The following PPP2R5E variants were observed in gnomAD, a reference collection of about 807,000 sequenced individuals.
PPP2R5E encodes the protein serine/threonine-protein phosphatase 2A 56 kDa regulatory subunit epsilon isoform.
In PPP2R5E, 4 loss-of-function variants were observed where a neutral mutation model predicts 65.3. That is an observed-to-expected ratio of 0.06 (90% CI 0.03 to 0.14). The LOEUF (loss-of-function observed/expected upper bound fraction) is 0.14. Among genes scored for constraint, PPP2R5E ranks in the 10% least tolerant of loss-of-function variants. The pLI, the probability that PPP2R5E is intolerant of heterozygous loss-of-function variation, is 1.00. For synonymous variants in PPP2R5E, 183 were observed against 187.4 expected, an observed-to-expected ratio of 0.98 and a Z score of 0.19; for missense variants, 274 against 556.1, an observed-to-expected ratio of 0.49 and a Z score of 5.10.
chr14:63,436,077 T>C (rs1197053981), intron 3 of PPP2R5E, among the ~76,000 whole-genome samples: 7 of 152,208 alleles, frequency 4.6e-5, no homozygotes, highest in Admixed American at 3.9e-4. Context: ...AGGCTAACCA[T>C]GTGATACCAA....
intron 11 of PPP2R5E, among the ~76,000 whole-genome samples, chr14:63,386,356 T>G (rs1884663647): frequency 6.6e-6 from 1 of 152,194 alleles, no homozygotes; most frequent in Admixed American, 6.5e-5. Context: ...TTTTCTATTT[T>G]GTGGATGAAG....
At chr14:63,477,409 G>A (rs529736411) in intron 2 of PPP2R5E, among the ~76,000 whole-genome samples, 4 of 151,942 alleles carry the variant, frequency 2.6e-5, no homozygotes, top group Non-Finnish European at 4.4e-5. Flanking sequence ...TGTTCTATGT[G>A]GTTTACAGAA....
At chr14:63,401,729 T>C (rs1244546863) in intron 5 of PPP2R5E, among the ~76,000 whole-genome samples, 1 of 152,142 alleles carries the variant, frequency 6.6e-6, no homozygotes, top group Non-Finnish European at 1.5e-5. Context: ...AGAGAAAATT[T>C]AGACTTATTT....
chr14:63,453,611 T>A (rs1380499024), intron 3 of PPP2R5E, 78 bp downstream of exon 3: 2 of 1,418,960 alleles, frequency 1.4e-6, no homozygotes, highest in South Asian at 1.3e-5. Flanking sequence ...TCCAATGACC[T>A]CACTCTTGCA....
At chr14:63,416,406 T>C (rs1463842216) in intron 4 of PPP2R5E, among the ~76,000 whole-genome samples, 4 of 152,206 alleles carry the variant, frequency 2.6e-5, no homozygotes, top group Non-Finnish European at 4.4e-5. Flanking sequence ...TGAAACTTTG[T>C]CTCTTCGATT....
chr14:63,484,123 AG>A (rs1339261946), intron 2 of PPP2R5E, among the ~76,000 whole-genome samples: 3 of 151,636 alleles, frequency 2.0e-5, no homozygotes, highest in Non-Finnish European at 4.4e-5. Flanking sequence ...AGAAAGATAA[AG>A]GGCCCAAAGC....
intron 6 of PPP2R5E, 83 bp from the exon 7 acceptor site, chr14:63,395,368 A>AG: frequency 1.6e-6 from 1 of 632,636 alleles, no homozygotes. Context: ...GGAGGAGGAG[A>AG]AGGGGGAGGA....
chr14:63,522,891 C>T (rs1400088742), intron 2 of PPP2R5E, among the ~76,000 whole-genome samples: 1 of 148,592 alleles, frequency 6.7e-6, no homozygotes, highest in Non-Finnish European at 1.5e-5. Context: ...GGCCAGCCGC[C>T]CCGTCCGGGA....
intron 6 of PPP2R5E, 102 bp from the exon 7 acceptor site, chr14:63,395,387 A>AGAG (rs78221566): frequency 3.9e-5 from 16 of 413,464 alleles, no homozygotes; most frequent in Middle Eastern, 6.6e-4. Context: ...GAGGAGGAGA[A>AGAG]GAGGAGGAGG....
chr14:63,378,441 T>C (rs1474841065), intron 13 of PPP2R5E, among the ~76,000 whole-genome samples: 1 of 152,160 alleles, frequency 6.6e-6, no homozygotes, highest in Non-Finnish European at 1.5e-5. Context: ...AATTGGTTAA[T>C]TAAGTGTTGA....
chr14:63,455,410 A>C (rs1889061972), intron 2 of PPP2R5E, among the ~76,000 whole-genome samples: 1 of 152,184 alleles, frequency 6.6e-6, no homozygotes, highest in Non-Finnish European at 1.5e-5. Flanking sequence ...ATATCTTTGA[A>C]TGTATAGCAT....
rs1892384176 is a variant in PPP2R5E, at chr14:63,510,016, T to TG, written c.157+29512dup. ...CACCCTCTTCAAAAAAACAAACATA[T>TG]GAATACTCATATTTATGTAAACCAT... is the stretch of plus-strand genomic sequence containing the variant. On this transcript the variant is annotated intron_variant, in intron 2 of 13. Transcript: ENST00000337537. Among the ~76,000 whole-genome samples, 3 of 152,182 alleles carry TG rather than the reference T, an allele frequency of 2.0e-5. No individual in the cohort carries two copies. In the South Asian group the frequency reaches 6.2e-4, roughly 32 times the overall value.
chr14:63,439,358 T>C lies in PPP2R5E; in HGVS notation c.354+14331A>G, dbSNP rs978132841. Among the ~76,000 whole-genome samples, 3 of 151,886 alleles carry C rather than the reference T, an allele frequency of 2.0e-5. No individual in the cohort carries two copies. In the South Asian group the frequency reaches 6.2e-4, roughly 32 times the overall value. ...GGCCAGACTGGGTCCTGGTCTGTTTTTTTTTTTTGTTTTTGTTTTTGTTTC... is the reference window on the plus strand; with the variant it reads ...GGCCAGACTGGGTCCTGGTCTGTTTCTTTTTTTTGTTTTTGTTTTTGTTTC... On this transcript the variant is annotated intron_variant, in intron 3 of 13. Transcript: ENST00000337537.
intron 3 of PPP2R5E, among the ~76,000 whole-genome samples, chr14:63,439,354 G>GTT (rs529162433): frequency 1.5e-4 from 22 of 143,030 alleles, no homozygotes; most frequent in East Asian, 1.0e-3. Flanking sequence ...GTCCTGGTCT[G>GTT]TTTTTTTTTT....
chr14:63,410,272 C>T (rs1218102155), intron 5 of PPP2R5E, among the ~76,000 whole-genome samples: 4 of 152,164 alleles, frequency 2.6e-5, no homozygotes, highest in Non-Finnish European at 5.9e-5. Context: ...GGGTAAACGT[C>T]ATCCTGATTT....
intron 2 of PPP2R5E, among the ~76,000 whole-genome samples, chr14:63,506,072 C>A (rs1046671145): frequency 1.3e-5 from 2 of 151,958 alleles, no homozygotes; most frequent in African/African-American, 4.8e-5. Flanking sequence ...AAAAGGCAAC[C>A]CACTAAATGG....
At chr14:63,523,951 C>T (rs1412163974) in intron 2 of PPP2R5E, among the ~76,000 whole-genome samples, 1 of 152,122 alleles carries the variant, frequency 6.6e-6, no homozygotes, top group Non-Finnish European at 1.5e-5. Flanking sequence ...GAGCCTGAAC[C>T]TACTCTGAAT....
At chr14:63,403,949 A>C (rs1201070243) in intron 5 of PPP2R5E, among the ~76,000 whole-genome samples, 1 of 152,222 alleles carries the variant, frequency 6.6e-6, no homozygotes, top group Non-Finnish European at 1.5e-5. Context: ...ATAATGGCTT[A>C]CAGTAGGAAG....
At position 63,374,634 on chromosome 14, in the gene PPP2R5E, GATATATATATAT is replaced by G. The variant is rs35587312; in HGVS notation, c.*1363_*1374del. The G allele has an allele frequency of 2.1e-4, 23 of 109,598 alleles. No homozygotes were observed. Among genetic ancestry groups the G allele is most frequent in the African/African-American group, 3.9e-4 (8 of 20,648 alleles). 6.8% of individuals were successfully genotyped at this position (109,598 alleles called of 1,614,324 possible). A position where few individuals can be genotyped will look rare whatever the true frequency, so the allele number is the denominator to read the frequency against. Reference sequence around the variant, plus strand: ...TAAATACAAAGCAGAGAGCCAATAAGATATATATATATATATATATATATATATATATATAAA... The same window carrying G: ...TAAATACAAAGCAGAGAGCCAATAAGATATATATATATATATATATATAAA... On this transcript the variant is annotated 3_prime_UTR_variant, in exon 14 of 14. Transcript: ENST00000337537.
Sources: gnomAD v4.1 joint callset for allele counts (sites outside exome capture counted in the v4.1 genomes callset) on GRCh38, gnomAD v4.1.1 for gene constraint, MANE v1.5 for transcripts, NCBI Gene and HGNC (gene_info 2026-07-23, HGNC 2026-07-21) for gene names.